The following TTN variants were observed in gnomAD, a reference collection of about 807,000 sequenced individuals.
The protein encoded by TTN is connectin.
Under a neutral mutation model 3,223.0 loss-of-function variants are expected in TTN, and 1,525 were observed. The ratio of observed to expected loss-of-function variants is 0.47; its 90% CI spans 0.45 to 0.49. The LOEUF (loss-of-function observed/expected upper bound fraction) is 0.49. Ranked by LOEUF, TTN falls within the 20% of genes least tolerant of loss-of-function variation. TTN has a pLI of 0.00. For synonymous variants in TTN, 14,094 were observed against 15,161.0 expected (o/e 0.93, Z 5.17); for missense variants, 40,786 against 43,424.0 (o/e 0.94, Z 5.40).
At chr2:178,586,009 A>G (rs1177566790) in intron 308 of TTN, among the ~76,000 whole-genome samples, 1 of 152,110 alleles carries the variant, frequency 6.6e-6, no homozygotes, top group Non-Finnish European at 1.5e-5. Context: ...TCCTTGAGGA[A>G]TCGCCACACT....
chr2:178,682,475 C>T (rs116488115), intron 135 of TTN, among the ~76,000 whole-genome samples: 1,708 of 152,022 alleles, frequency 0.011, 35 homozygotes, highest in African/African-American at 0.039. Context: ...AGATTATTCC[C>T]GGAACAAAAG....
At position 178,554,210 on chromosome 2, in the gene TTN, G is replaced by A; in HGVS notation, c.88901C>T (p.Pro29634Leu). 2 of 1,583,838 alleles carry A rather than the reference G, an allele frequency of 1.3e-6. No homozygotes were observed. Among genetic ancestry groups the A allele is most frequent in the Non-Finnish European group, 1.7e-6 (2 of 1,168,852 alleles). Reference protein sequence around the residue: ...SVVAKNAFVTPGPPGIPEVTK... With the variant: ...SVVAKNAFVTLGPPGIPEVTK... ...CACTTCTGGTATGCCTGGTGGCCCA[G>A]GTGTAACTATTTAGAAAGGAAGGGA... is the stretch of plus-strand genomic sequence containing the variant. The change falls in exon 333 of 363, where the codon CCT (proline) becomes CTT (leucine). Residue 29634 changes from proline to leucine, a missense_variant. Transcript: ENST00000589042.
chr2:178,666,999 T>C (rs775899506), intron 162 of TTN, 98 bp from the exon 163 acceptor site: 19 of 968,670 alleles, frequency 2.0e-5, no homozygotes, highest in Non-Finnish European at 2.5e-5. Context: ...ATTTCAGATA[T>C]CTTTATGTTA....
rs770574446 is a variant in TTN, at chr2:178,533,199, G to A, written c.103416C>T (p.His34472=). 3.7e-6 allele frequency: 6 copies of A among 1,613,856 alleles called. No individual in the cohort carries two copies. In the Admixed American group the frequency reaches 5.0e-5, roughly 13 times the overall value. ...EFKSKEEHER[H]VQKQIDKTLR... is the part of the protein sequence containing the mutation. ...GGGTTTTGTCAATTTGTTTTTGTAC[G>A]TGTCGCTCATGCTCCTCCTTACTCT... Residue 34472 remains histidine (H), a synonymous_variant, in exon 358 of 363, where the codon CAC becomes CAT. Coordinates refer to ENST00000589042, the MANE Select transcript of TTN (RefSeq NM_001267550.2).
intron 74 of TTN, 31 bp downstream of exon 74, chr2:178,723,387 A>C: frequency 6.2e-7 from 1 of 1,604,708 alleles, no homozygotes; most frequent in Non-Finnish European, 8.5e-7. Flanking sequence ...GGTATACAGA[A>C]AACAGAAAAA....
chr2:178,727,115 G>A lies in TTN; in HGVS notation c.20250C>T (p.Ser6750=), dbSNP rs752577118. Residue 6750 remains serine, a synonymous_variant, in exon 69 of 363, where the codon AGC becomes AGT. Transcript: ENST00000589042. The part of the protein sequence containing the change: ...CEAQNPAGST[S]CSTKVIVKEP... ...CTTTTACTATAACCTTGGTACTGCA[G>A]CTTGTGCTGCCAGCGGGATTCTGAG... is the stretch of plus-strand genomic sequence containing the variant. The A allele has an allele frequency of 3.8e-6, 6 of 1,592,278 alleles. No individual in the cohort carries two copies. In the South Asian group the frequency reaches 5.8e-5, roughly 15 times the overall value.
Position 178,539,633 on chromosome 2 carries a change from C to T in TTN, c.98432G>A (p.Arg32811His), listed in dbSNP as rs751450347. ...AGGTCTCCAGCTGACCCTCACAGAG[C>T]GGACTTGGATGTCATCATATTCCAG... ...GPLEYDDIQV[R>H]SVRVSWRPPA... The change falls in exon 352 of 363, where the codon CGC (arginine) becomes CAC (histidine). Residue 32811 changes from arginine (R) to histidine (H), a missense_variant. Transcript: ENST00000589042. 22 of 1,613,602 alleles carry T rather than the reference C, an allele frequency of 1.4e-5. No homozygotes were observed. Among genetic ancestry groups the T allele is most frequent in the South Asian group, 7.7e-5 (7 of 91,084 alleles).
chr2:178,792,068 T>G lies in TTN; in HGVS notation c.1662+4A>C. 1 of 1,611,818 alleles carries G rather than the reference T, an allele frequency of 6.2e-7. No homozygotes were observed. Among genetic ancestry groups the G allele is most frequent in the Non-Finnish European group, 8.5e-7 (1 of 1,178,854 alleles). Reference sequence around the variant, plus strand: ...CTACAAAATATTTAGAAAATCAGACTTACTGCTTCTTGAGTTACTTGTTTC... The same window carrying G: ...CTACAAAATATTTAGAAAATCAGACGTACTGCTTCTTGAGTTACTTGTTTC... On this transcript the variant is annotated splice_donor_region_variant and intron_variant, in intron 10 of 362. Transcript: ENST00000589042.
At chr2:178,681,885 C>T in intron 135 of TTN, 147 bp from the exon 136 acceptor site, 3 of 612,768 alleles carry the variant, frequency 4.9e-6, no homozygotes, top group Non-Finnish European at 7.9e-6. Flanking sequence ...GAGATCCAAG[C>T]AGAACAAGCT....
chr2:178,567,244 A>C lies in TTN; in HGVS notation c.78888T>G (p.Val26296=). The change falls in exon 326 of 363, where the codon GTT becomes GTG. Residue 26296 remains valine, a synonymous_variant. Transcript: ENST00000589042. The stretch of plus-strand genomic sequence containing the variant: ...AGCATTTTTCAGAAGTGACTCCAGT[A>C]ACCTGGACTGGCCCTTCTGGAGGTC... ...RPGPPEGPVQ[V]TGVTSEKCSL... is the part of the protein sequence containing the mutation. 6.2e-7 allele frequency: 1 copy of C among 1,607,882 alleles called. No homozygotes were observed. The highest frequency in any genetic ancestry group is 8.5e-7 in the Non-Finnish European group (1 of 1,176,810).
At position 178,784,246 on chromosome 2, in the gene TTN, T is replaced by C. The variant is rs148631577; in HGVS notation, c.2599A>G (p.Ser867Gly). The C allele has an allele frequency of 6.3e-5, 102 of 1,614,062 alleles. No homozygotes were observed. The African/African-American group carries it at 1.3e-3, about 20-fold the overall frequency. Residue 867 changes from serine (S) to glycine (G), a missense_variant, in exon 16 of 363, where the codon AGT (serine) becomes GGT (glycine). Transcript: ENST00000589042. ...KSVKAPTVKP[S>G]ETRVRAEPTP... ...GGCTCTGCCCTTACTCTAGTCTCAC[T>C]GGGCTTCACAGTAGGAGCCTTCACC... is the stretch of plus-strand genomic sequence containing the variant.
In TTN at chr2:178,720,935, G is replaced by T. The variant is rs201003628; in HGVS notation, c.23084C>A (p.Ala7695Glu). ...GTGTGTCTAACCTTTCACTGTCAAC[G>T]CTGTGCTGCAGCTGGCGTCACCAAC... ...NGVGDASCST[A>E]LTVKAPPVFT... Residue 7695 changes from alanine to glutamate, a missense_variant, in exon 79 of 363, where the codon GCG becomes GAG. Transcript: ENST00000589042. 1 of 1,593,152 alleles carries T rather than the reference G, an allele frequency of 6.3e-7. No individual in the cohort carries two copies. The highest frequency in any genetic ancestry group is 8.6e-7 in the Non-Finnish European group (1 of 1,164,662).
chr2:178,701,020 T>C (rs1487898077), intron 111 of TTN, 100 bp downstream of exon 111: 1 of 1,005,066 alleles, frequency 9.9e-7, no homozygotes. Context: ...CAATTCCACC[T>C]CTTGACCACT....
At position 178,545,394 on chromosome 2, in the gene TTN, G is replaced by T; in HGVS notation, c.95716C>A (p.Pro31906Thr). 6.4e-7 allele frequency: 1 copy of T among 1,566,128 alleles called. No homozygotes were observed. The highest frequency in any genetic ancestry group is 8.7e-7 in the Non-Finnish European group (1 of 1,153,228). ...TATGATTCTTGGAGCTCACATGATG[G>T]TTCTCTGCATGAGATGAAGTTGGAA... ...EASNFISCRE[P>T]SYTPGPPSAP... The change falls in exon 344 of 363, where the codon CCA becomes ACA. Residue 31906 changes from proline to threonine, a missense_variant. Physicochemically the swap from Pro to Thr is conservative, Grantham distance 38 (BLOSUM62 -1). Transcript: ENST00000589042.
intron 138 of TTN, 138 bp downstream of exon 138, chr2:178,680,941 T>A (rs768655233): frequency 1.7e-5 from 13 of 765,948 alleles, no homozygotes; most frequent in Non-Finnish European, 2.2e-5. Flanking sequence ...TATCCTGTAT[T>A]TACACATTTT....
intron 174 of TTN, 56 bp from the exon 175 acceptor site, chr2:178,662,868 C>T (rs2154258146): frequency 6.4e-7 from 1 of 1,573,732 alleles, no homozygotes. Context: ...ATATCGACTC[C>T]ACATTTACCC....
intron 147 of TTN, 117 bp from the exon 148 acceptor site, chr2:178,676,112 C>T: frequency 1.1e-6 from 1 of 897,404 alleles, no homozygotes. Context: ...ACAGGTCTGT[C>T]ATGTTAGTTG....
chr2:178,696,285 A>T lies in TTN; in HGVS notation c.30803-16T>A, dbSNP rs1462530460. 1.9e-5 allele frequency: 28 copies of T among 1,501,948 alleles called. No homozygotes were observed. The highest frequency in any genetic ancestry group is 2.3e-5 in the Non-Finnish European group (26 of 1,130,526). 93.0% of individuals were successfully genotyped at this position (1,501,948 alleles called of 1,614,324 possible). ...ATTTCAGGAGCTAAAATAGATAAAG[A>T]TACTATTAGCATATTAATTCTATCC... On this transcript the variant is annotated splice_polypyrimidine_tract_variant and intron_variant, in intron 113 of 362. Transcript: ENST00000589042.
Position 178,760,554 on chromosome 2 carries a change from C to T in TTN, c.10115-1382G>A, listed in dbSNP as rs550561214. 3.3e-5 allele frequency among the ~76,000 whole-genome samples: 5 copies of T among 152,240 alleles called. No homozygotes were observed. The South Asian group carries it at 1.0e-3, about 32-fold the overall frequency. ...TAAAGAAAATGAAATCTTGACACTA[C>T]AACTTGTCAGCTGTGTGGCCTTGGA... On this transcript the variant is annotated intron_variant, in intron 43 of 362. Coordinates refer to ENST00000589042, the MANE Select transcript of TTN (RefSeq NM_001267550.2).
Sources: gnomAD v4.1 joint callset for allele counts (sites outside exome capture counted in the v4.1 genomes callset) on GRCh38, gnomAD v4.1.1 for gene constraint, MANE v1.5 for transcripts, NCBI Gene and HGNC (gene_info 2026-07-23, HGNC 2026-07-21) for gene names.